NSD3: variants seen among roughly 807,000 people sequenced by gnomAD.
NSD3 encodes the protein histone-lysine N-methyltransferase NSD3.
Under a neutral mutation model 160.8 loss-of-function variants are expected in NSD3, and 24 were observed. The observed-to-expected ratio is 0.15, with a 90% confidence interval of 0.11 to 0.21. NSD3 has a LOEUF of 0.21. NSD3 is among the 10% of genes least tolerant of loss of function. The pLI, the probability that NSD3 is intolerant of heterozygous loss-of-function variation, is 1.00. For synonymous variants in NSD3, 520 were observed against 600.0 expected, an observed-to-expected ratio of 0.87 and a Z score of 1.95; for missense variants, 1,157 against 1,735.9, an observed-to-expected ratio of 0.67 and a Z score of 5.93.
intron 19 of NSD3, among the ~76,000 whole-genome samples, chr8:38,286,726 C>G (rs553233317): frequency 1.3e-5 from 2 of 152,290 alleles, no homozygotes; most frequent in Admixed American, 1.3e-4. Flanking sequence ...ACCGCAGCTC[C>G]TCTCTTTCCT....
chr8:38,294,284 C>T (rs1203693324), intron 16 of NSD3, among the ~76,000 whole-genome samples: 1 of 152,060 alleles, frequency 6.6e-6, no homozygotes, highest in Non-Finnish European at 1.5e-5. Context: ...TTTGTAGAGA[C>T]AGAGTTTTGT....
intron 7 of NSD3, among the ~76,000 whole-genome samples, chr8:38,326,451 G>C (rs1194450219): frequency 6.6e-6 from 1 of 152,116 alleles, no homozygotes; most frequent in Non-Finnish European, 1.5e-5. Context: ...ATAGTCGATG[G>C]TGTATTTACT....
At chr8:38,292,045 AAAAT>A (rs1397105311) in intron 16 of NSD3, among the ~76,000 whole-genome samples, 3 of 152,220 alleles carry the variant, frequency 2.0e-5, no homozygotes, top group African/African-American at 7.2e-5. Context: ...TTTAAGTGTT[AAAAT>A]AAATCAAAGA....
At position 38,348,145 on chromosome 8, in the gene NSD3, T is replaced by G. The variant is rs1265916272; in HGVS notation, c.27A>C (p.Gln9His). 3.8e-6 allele frequency: 6 copies of G among 1,598,842 alleles called. No homozygotes were observed. The highest frequency in any genetic ancestry group is 1.3e-5 in the African/African-American group (1 of 74,446). ...GCTGAATTGTGTTTCCCATGATCCC[T>G]TGCATGAAAGAGAAAGAGAAATCCA... MDFSFSFM[Q>H]GIMGNTIQQP... is the part of the protein sequence containing the mutation. The change falls in exon 2 of 24, where the codon CAA becomes CAC. Residue 9 changes from glutamine to histidine, a missense_variant. Physicochemically the swap from Gln to His is conservative, Grantham distance 24. Coordinates refer to ENST00000317025, the MANE Select transcript of NSD3 (RefSeq NM_023034.2).
At position 38,271,794 on chromosome 8, in the gene NSD3, C is replaced by T. The variant is rs1242261897; in HGVS notation, c.*3847G>A. On this transcript the variant is annotated 3_prime_UTR_variant, in exon 24 of 24. Transcript: ENST00000317025. ...ATATGGAAGTATAGAATGTCAGCTT[C>T]CCAGCTGTGAGGGCTCCATAGCCAC... The T allele has an allele frequency of 6.6e-6, 1 of 152,216 alleles. No individual in the cohort carries two copies. Among genetic ancestry groups the T allele is most frequent in the East Asian group, 1.9e-4 (1 of 5,200 alleles). 9.4% of individuals were successfully genotyped at this position (152,216 alleles called of 1,614,324 possible). A position where few individuals can be genotyped will look rare whatever the true frequency, so the allele number is the denominator to read the frequency against.
intron 1 of NSD3, among the ~76,000 whole-genome samples, chr8:38,352,703 G>T (rs1043267460): frequency 1.3e-5 from 2 of 152,028 alleles, no homozygotes; most frequent in Admixed American, 1.3e-4. Flanking sequence ...GACTTCCTGG[G>T]TTCAGATGAT....
At position 38,275,737 on chromosome 8, in the gene NSD3, C is replaced by T. The variant is rs1384952997; in HGVS notation, c.4218G>A (p.Ser1406=). ...PSALEGRLCC[S]EHDPMAPVSP... is the part of the protein sequence containing the mutation. The stretch of plus-strand genomic sequence containing the variant: ...ACACAGGAGCCATGGGGTCATGTTC[C>T]GAGCAGCAGAGGCGGCCTTCCAGTG... The change falls in exon 24 of 24, where the codon TCG becomes TCA. Residue 1406 remains serine (S), a synonymous_variant. Coordinates refer to ENST00000317025, the MANE Select transcript of NSD3 (RefSeq NM_023034.2). The T allele has an allele frequency of 8.1e-6, 13 of 1,614,148 alleles. No homozygotes were observed. The highest frequency in any genetic ancestry group is 2.2e-5 in the East Asian group (1 of 44,892).
At chr8:38,362,966 T>G (rs1212263819) in intron 1 of NSD3, among the ~76,000 whole-genome samples, 1 of 152,214 alleles carries the variant, frequency 6.6e-6, no homozygotes, top group African/African-American at 2.4e-5. Context: ...TGTCACGAGA[T>G]ATTTAGGTGT....
At chr8:38,323,032 C>T (rs189332253) in intron 7 of NSD3, among the ~76,000 whole-genome samples, 1 of 152,088 alleles carries the variant, frequency 6.6e-6, no homozygotes, top group African/African-American at 2.4e-5. Context: ...AGCACCAGTC[C>T]CTAAATTAAG....
At chr8:38,341,253 C>CA (rs780213504) in intron 2 of NSD3, among the ~76,000 whole-genome samples, 6 of 151,844 alleles carry the variant, frequency 4.0e-5, no homozygotes, top group African/African-American at 7.3e-5. Flanking sequence ...AAATAAATTA[C>CA]AATCTGCCAG....
At chr8:38,279,702 T>C in intron 20 of NSD3, 21 bp from the exon 21 acceptor site, 2 of 1,604,902 alleles carry the variant, frequency 1.2e-6, no homozygotes, top group African/African-American at 2.7e-5. Context: ...AAAAGAAAAG[T>C]ACCTTTTACA....
chr8:38,285,245 G>C (rs1193928440), intron 19 of NSD3, among the ~76,000 whole-genome samples: 1 of 152,144 alleles, frequency 6.6e-6, no homozygotes. Context: ...CAAAGAGGCT[G>C]TCATTCAATA....
chr8:38,307,121 AAAAAAAATAAAAT>A (rs1809420322), intron 12 of NSD3, among the ~76,000 whole-genome samples: 1 of 138,982 alleles, frequency 7.2e-6, no homozygotes, highest in African/African-American at 2.6e-5. Context: ...TCTCAAAAAA[AAAAAAAATAAAAT>A]AAAATAAATA....
chr8:38,369,125 G>T (rs1246083384), intron 1 of NSD3, among the ~76,000 whole-genome samples: 1 of 152,076 alleles, frequency 6.6e-6, no homozygotes, highest in East Asian at 1.9e-4. Context: ...TTTCTATAAA[G>T]ACCAGTTTGG....
intron 18 of NSD3, 53 bp downstream of exon 18, chr8:38,289,340 T>G (rs1808941640): frequency 2.0e-6 from 3 of 1,476,994 alleles, no homozygotes; most frequent in Admixed American, 3.9e-5. Context: ...TAGTAAAGAC[T>G]TACTTTGTTT....
chr8:38,376,271 A>T (rs920024108), intron 1 of NSD3, among the ~76,000 whole-genome samples: 1 of 152,156 alleles, frequency 6.6e-6, no homozygotes, highest in Non-Finnish European at 1.5e-5. Context: ...TGCATGTAAA[A>T]ATATTTTATG....
At chr8:38,362,604 G>A (rs1017238923) in intron 1 of NSD3, among the ~76,000 whole-genome samples, 82 of 152,176 alleles carry the variant, frequency 5.4e-4, no homozygotes, top group African/African-American at 1.7e-3. Flanking sequence ...AAAGAGTCAC[G>A]ACTTGTCAAG....
At chr8:38,326,403 A>G (rs1167137240) in intron 7 of NSD3, among the ~76,000 whole-genome samples, 2 of 152,228 alleles carry the variant, frequency 1.3e-5, no homozygotes, top group Admixed American at 6.5e-5. Context: ...GTGTGCTAAT[A>G]GAGTGGGAAA....
intron 22 of NSD3, among the ~76,000 whole-genome samples, chr8:38,277,926 CACAA>C (rs1382582838): frequency 2.6e-5 from 4 of 151,468 alleles, no homozygotes; most frequent in South Asian, 2.1e-4. Context: ...GTCACAAACA[CACAA>C]ACAGACTTCT....
Sources: gnomAD v4.1 joint callset for allele counts (sites outside exome capture counted in the v4.1 genomes callset) on GRCh38, gnomAD v4.1.1 for gene constraint, MANE v1.5 for transcripts, NCBI Gene and HGNC (gene_info 2026-07-23, HGNC 2026-07-21) for gene names.